The following ZMAT4 variants were observed in gnomAD, a reference collection of about 807,000 sequenced individuals.
The protein encoded by ZMAT4 is zinc finger matrin-type 4.
A neutral mutation model predicts 28.7 loss-of-function variants in ZMAT4; 17 were observed. The observed-to-expected ratio is 0.59, with a 90% CI of 0.41 to 0.89. The LOEUF (loss-of-function observed/expected upper bound fraction) is 0.89. Among genes scored for constraint, ZMAT4 ranks in the 40% least tolerant of loss-of-function variants. The pLI, the probability that ZMAT4 is intolerant of heterozygous loss-of-function variation, is 0.00. For missense variants in ZMAT4, 240 were observed against 283.8 expected, an observed-to-expected ratio of 0.85 and a Z score of 1.11; for synonymous variants, 117 against 109.2, an observed-to-expected ratio of 1.07 and a Z score of -0.44.
intron 3 of ZMAT4, among the ~76,000 whole-genome samples, chr8:40,717,007 A>C (rs1243772101): frequency 6.6e-6 from 1 of 152,176 alleles, no homozygotes; most frequent in Non-Finnish European, 1.5e-5. Context: ...CTGGATATAA[A>C]ACTCTGTCCT....
intron 3 of ZMAT4, among the ~76,000 whole-genome samples, chr8:40,717,075 A>G (rs991703969): frequency 6.6e-6 from 1 of 152,216 alleles, no homozygotes; most frequent in East Asian, 1.9e-4. Context: ...AACATGTTGT[A>G]TCTCGTCTAT....
chr8:40,649,812 C>T (rs1807546824), intron 5 of ZMAT4, among the ~76,000 whole-genome samples: 1 of 152,016 alleles, frequency 6.6e-6, no homozygotes, highest in Non-Finnish European at 1.5e-5. Flanking sequence ...GAACAACCTG[C>T]TCCTGAATGA....
At chr8:40,734,756 C>G (rs1473162140) in intron 3 of ZMAT4, among the ~76,000 whole-genome samples, 1 of 152,144 alleles carries the variant, frequency 6.6e-6, no homozygotes, top group African/African-American at 2.4e-5. Flanking sequence ...CATAATATGA[C>G]TTAAGGCTGT....
At chr8:40,719,944 A>G (rs1341263683) in intron 3 of ZMAT4, among the ~76,000 whole-genome samples, 1 of 152,126 alleles carries the variant, frequency 6.6e-6, no homozygotes, top group Non-Finnish European at 1.5e-5. Flanking sequence ...TCAGCAGCCC[A>G]TGCTTCTCCA....
chr8:40,752,658 A>G (rs2150547721), intron 3 of ZMAT4, among the ~76,000 whole-genome samples: 1 of 152,218 alleles, frequency 6.6e-6, no homozygotes, highest in Non-Finnish European at 1.5e-5. Context: ...GTCTTACACT[A>G]ATTATCCCAT....
At chr8:40,642,343 G>C (rs545452815) in intron 5 of ZMAT4, among the ~76,000 whole-genome samples, 1 of 152,288 alleles carries the variant, frequency 6.6e-6, no homozygotes, top group South Asian at 2.1e-4. Context: ...AGTTATGCTA[G>C]GTTATCAAGG....
intron 5 of ZMAT4, among the ~76,000 whole-genome samples, chr8:40,647,309 G>T (rs889173197): frequency 2.0e-5 from 3 of 152,194 alleles, no homozygotes; most frequent in African/African-American, 4.8e-5. Context: ...AAAGAAAGGG[G>T]TGACAGACAG....
chr8:40,674,495 GAAAAT>G (rs2150473074), intron 5 of ZMAT4: 1 of 542,720 alleles, frequency 1.8e-6, no homozygotes, highest in African/African-American at 1.9e-5. Flanking sequence ...ATAAAAATAT[GAAAAT>G]AAACACTTTG....
chr8:40,806,294 T>C (rs1354525351), intron 2 of ZMAT4, among the ~76,000 whole-genome samples: 1 of 152,222 alleles, frequency 6.6e-6, no homozygotes, highest in East Asian at 1.9e-4. Flanking sequence ...TAGCATCACA[T>C]CATAGTTTTC....
intron 6 of ZMAT4, among the ~76,000 whole-genome samples, chr8:40,560,755 A>G (rs974923831): frequency 2.0e-5 from 3 of 152,088 alleles, no homozygotes; most frequent in Non-Finnish European, 4.4e-5. Context: ...CTTCGAGACT[A>G]CAAGTTTTAC....
At chr8:40,555,514 C>A (rs1585678304) in intron 6 of ZMAT4, among the ~76,000 whole-genome samples, 2 of 152,298 alleles carry the variant, frequency 1.3e-5, no homozygotes, top group Middle Eastern at 6.8e-3. Context: ...TGATAATGAT[C>A]TTCAATTCTC....
chr8:40,532,184 T>C lies in ZMAT4; in HGVS notation c.*39A>G. On this transcript the variant is annotated 3_prime_UTR_variant, in exon 7 of 7. Coordinates refer to ENST00000297737, the MANE Select transcript of ZMAT4 (RefSeq NM_024645.3). ...TAAGCAATTCTCCACGGCAGAGAAA[T>C]GCTAATGTTTTGTTCTTATGTCTTG... is the stretch of plus-strand genomic sequence containing the variant. 1.9e-6 allele frequency: 3 copies of C among 1,564,564 alleles called. No homozygotes were observed. Among genetic ancestry groups the C allele is most frequent in the Non-Finnish European group, 2.6e-6 (3 of 1,154,406 alleles).
At chr8:40,554,003 C>T (rs1405970922) in intron 6 of ZMAT4, among the ~76,000 whole-genome samples, 4 of 152,166 alleles carry the variant, frequency 2.6e-5, no homozygotes, top group Non-Finnish European at 4.4e-5. Context: ...CATGGCCACT[C>T]ATGCCACTTA....
intron 1 of ZMAT4, among the ~76,000 whole-genome samples, chr8:40,828,866 T>A (rs1474549879): frequency 6.6e-6 from 1 of 152,032 alleles, no homozygotes; most frequent in African/African-American, 2.4e-5. Context: ...GAAGGGAGGA[T>A]GTCACTTGCT....
intron 3 of ZMAT4, among the ~76,000 whole-genome samples, chr8:40,724,649 G>A (rs751191862): frequency 6.6e-6 from 1 of 152,156 alleles, no homozygotes; most frequent in African/African-American, 2.4e-5. Context: ...CACTGTGATG[G>A]GATCTACAGT....
intron 6 of ZMAT4, among the ~76,000 whole-genome samples, chr8:40,569,916 C>A (rs371880108): frequency 6.6e-6 from 1 of 152,062 alleles, no homozygotes; most frequent in Non-Finnish European, 1.5e-5. Context: ...AAAGAAACGT[C>A]GGTTAAACTT....
intron 1 of ZMAT4, among the ~76,000 whole-genome samples, chr8:40,875,091 A>G (rs1817992886): frequency 6.6e-6 from 1 of 152,140 alleles, no homozygotes; most frequent in South Asian, 2.1e-4. Context: ...ACATCTGGAG[A>G]AGGCATTCAG....
intron 5 of ZMAT4, among the ~76,000 whole-genome samples, chr8:40,588,050 C>T (rs1804726296): frequency 6.6e-6 from 1 of 151,826 alleles, no homozygotes; most frequent in Non-Finnish European, 1.5e-5. Flanking sequence ...ATCAGGAGAA[C>T]CTAATAGTTC....
chr8:40,879,985 T>C (rs1189344009), intron 1 of ZMAT4, among the ~76,000 whole-genome samples: 1 of 152,190 alleles, frequency 6.6e-6, no homozygotes, highest in Non-Finnish European at 1.5e-5. Context: ...GGAAGATAGA[T>C]AGTACTGCAG....
Sources: gnomAD v4.1 joint callset for allele counts (sites outside exome capture counted in the v4.1 genomes callset) on GRCh38, gnomAD v4.1.1 for gene constraint, MANE v1.5 for transcripts, NCBI Gene and HGNC (gene_info 2026-07-23, HGNC 2026-07-21) for gene names.